SIPA1L1: variants seen among roughly 807,000 people sequenced by gnomAD.
SIPA1L1 encodes the protein signal induced proliferation associated 1 like 1, also known as signal-induced proliferation-associated 1-like protein 1.
SIPA1L1 carries 26 observed loss-of-function variants against 162.7 expected under a neutral mutation model. The observed-to-expected ratio is 0.16, with a 90% CI of 0.12 to 0.22. SIPA1L1 has a LOEUF of 0.22. SIPA1L1 is among the 10% of genes least tolerant of loss of function. SIPA1L1 has a pLI of 1.00. For missense variants in SIPA1L1, 1,874 were observed against 2,241.0 expected, an observed-to-expected ratio of 0.84 and a Z score of 3.31; for synonymous variants, 829 against 837.4, an observed-to-expected ratio of 0.99 and a Z score of 0.17.
intron 2 of SIPA1L1, 69 bp from the exon 3 acceptor site, chr14:71,512,674 G>T (rs2051281799): frequency 2.2e-5 from 3 of 135,830 alleles, no homozygotes; most frequent in South Asian, 2.8e-4. Context: ...CGGGGTTGGG[G>T]GGGTTGGGAG....
rs2056794366 is a variant in SIPA1L1 at position 71,561,587 on chromosome 14, TTTTC to T, written c.-302-25976_-302-25973del. ...TCTTTTATGGTAGTAAGGCTAAATATTTTCTTTCTTTTTGAGATGGAGTTTCATT... is the reference window on the plus strand; with the variant it reads ...TCTTTTATGGTAGTAAGGCTAAATATTTTCTTTTTGAGATGGAGTTTCATT... On this transcript the variant is annotated intron_variant, in intron 4 of 23. Transcript: ENST00000381232. Among the ~76,000 whole-genome samples the T allele has an allele frequency of 2.6e-5, 4 of 152,218 alleles. No homozygotes were observed. The South Asian group carries it at 8.3e-4, about 32-fold the overall frequency.
rs1462182407 is a variant in SIPA1L1, at chr14:71,377,210, T to C, written c.-465+56029T>C. On this transcript the variant is annotated intron_variant, in intron 2 of 23. Transcript: ENST00000381232. This position sits in a 1 kb window ranked among gnomAD's most constrained non-coding sequence, Gnocchi z 4.8. ...GGCCGGGTGGGGGCGCCCCCCCACC[T>C]CCCAGATGGGGTGGCGGCTGGGCGG... Among the ~76,000 whole-genome samples, 2 of 145,020 alleles carry C rather than the reference T, an allele frequency of 1.4e-5. No homozygotes were observed. The highest frequency in any genetic ancestry group is 3.0e-5 in the Non-Finnish European group (2 of 65,798).
intron 4 of SIPA1L1, among the ~76,000 whole-genome samples, chr14:71,544,253 TATACA>T (rs67572678): frequency 2.8e-5 from 3 of 106,840 alleles, no homozygotes; most frequent in Non-Finnish European, 5.0e-5. Flanking sequence ...CACATATGTA[TATACA>T]CATGATATGT....
chr14:71,483,149 G>A (rs547269345), intron 2 of SIPA1L1, among the ~76,000 whole-genome samples: 3 of 152,230 alleles, frequency 2.0e-5, no homozygotes, highest in African/African-American at 7.2e-5. Flanking sequence ...GAATTTGAGG[G>A]CTATTAGAAT....
chr14:71,608,351 A>T (rs932517907), intron 5 of SIPA1L1, among the ~76,000 whole-genome samples: 3 of 152,152 alleles, frequency 2.0e-5, no homozygotes, highest in Admixed American at 6.5e-5. Context: ...AGCCTTTTCC[A>T]TAGGAAGACA....
At chr14:71,652,445 C>G (rs1194795372) in intron 8 of SIPA1L1, among the ~76,000 whole-genome samples, 1 of 152,142 alleles carries the variant, frequency 6.6e-6, no homozygotes, top group Non-Finnish European at 1.5e-5. Flanking sequence ...AACAAATGTT[C>G]AAGGATCATT....
chr14:71,644,264 A>G (rs1312100190), intron 7 of SIPA1L1, among the ~76,000 whole-genome samples: 1 of 151,726 alleles, frequency 6.6e-6, no homozygotes, highest in Non-Finnish European at 1.5e-5. Context: ...ACAGGGTTGC[A>G]CTCTATTGCC....
At chr14:71,322,798 T>C (rs978337314) in intron 2 of SIPA1L1, among the ~76,000 whole-genome samples, 20 of 152,374 alleles carry the variant, frequency 1.3e-4, no homozygotes, top group Middle Eastern at 3.4e-3. Flanking sequence ...TCTAGTTGAC[T>C]GAGTGAACAA....
At chr14:71,590,390 G>A (rs1319889049) in intron 5 of SIPA1L1, among the ~76,000 whole-genome samples, 1 of 152,066 alleles carries the variant, frequency 6.6e-6, no homozygotes. Flanking sequence ...TATTCTCACA[G>A]TGTTTTGATT....
chr14:71,699,158 T>A, intron 14 of SIPA1L1, 31 bp downstream of exon 14: 4 of 1,608,338 alleles, frequency 2.5e-6, no homozygotes, highest in Non-Finnish European at 3.4e-6. Flanking sequence ...TTGTACATGG[T>A]CCCTGTTGGC....
chr14:71,666,352 T>C (rs1199455331), intron 10 of SIPA1L1, among the ~76,000 whole-genome samples: 1 of 152,138 alleles, frequency 6.6e-6, no homozygotes, highest in East Asian at 1.9e-4. Context: ...AGTGAGGAAG[T>C]GGAGGGGAAT....
At chr14:71,418,190 G>C (rs1272446925) in intron 2 of SIPA1L1, 1 of 152,188 alleles carries the variant, frequency 6.6e-6, no homozygotes, top group Non-Finnish European at 1.5e-5. Flanking sequence ...TTCTACTGGA[G>C]CAAATGGTAA....
intron 4 of SIPA1L1, among the ~76,000 whole-genome samples, chr14:71,549,664 C>T (rs1406426278): frequency 6.6e-6 from 1 of 152,044 alleles, no homozygotes; most frequent in Non-Finnish European, 1.5e-5. Context: ...GGTAATTGTT[C>T]CTTTTTATAA....
At chr14:71,390,641 C>T (rs998324488) in intron 2 of SIPA1L1, among the ~76,000 whole-genome samples, 17 of 152,032 alleles carry the variant, frequency 1.1e-4, no homozygotes, top group South Asian at 2.1e-4. Flanking sequence ...AAAAATTAGC[C>T]GTGCATGATG....
intron 2 of SIPA1L1, among the ~76,000 whole-genome samples, chr14:71,482,928 A>G (rs1353909718): frequency 6.6e-6 from 1 of 152,200 alleles, no homozygotes. Context: ...TTGTGTGTGT[A>G]TGAATGCACA....
intron 2 of SIPA1L1, among the ~76,000 whole-genome samples, chr14:71,405,695 G>A (rs943729201): frequency 1.3e-4 from 20 of 152,134 alleles, no homozygotes; most frequent in African/African-American, 4.6e-4. Context: ...TCACCTGGTG[G>A]GAATTGAGGC....
intron 3 of SIPA1L1, among the ~76,000 whole-genome samples, chr14:71,514,679 G>T (rs938175434): frequency 3.3e-5 from 5 of 152,126 alleles, no homozygotes; most frequent in Admixed American, 3.3e-4. Context: ...ACACTCTGAT[G>T]AGGCCCACCC....
chr14:71,506,872 C>T (rs1281954631), intron 2 of SIPA1L1, among the ~76,000 whole-genome samples: 3 of 149,398 alleles, frequency 2.0e-5, no homozygotes, highest in Non-Finnish European at 3.0e-5. Context: ...TCTTGTTGCC[C>T]AGGGTGGTCT....
intron 2 of SIPA1L1, among the ~76,000 whole-genome samples, chr14:71,446,327 A>T (rs1032329608): frequency 2.0e-5 from 3 of 152,208 alleles, no homozygotes; most frequent in Non-Finnish European, 2.9e-5. Context: ...TTCTAAAACA[A>T]AATTGGAATT....
Sources: gnomAD v4.1 joint callset for allele counts (sites outside exome capture counted in the v4.1 genomes callset) on GRCh38, gnomAD v4.1.1 for gene constraint, Gnocchi (gnomAD v3.1) non-coding constraint, MANE v1.5 for transcripts, NCBI Gene and HGNC (gene_info 2026-07-23, HGNC 2026-07-21) for gene names.